Variants in UNC5D observed in about 807,000 individuals in gnomAD.
UNC5D encodes netrin receptor UNC5D.
A neutral mutation model predicts 105.4 loss-of-function variants in UNC5D; 39 were observed. The ratio of observed to expected loss-of-function variants is 0.37; its 90% CI spans 0.29 to 0.48. The LOEUF is 0.48. Ranked by LOEUF, UNC5D falls within the 20% of genes least tolerant of loss-of-function variation. The pLI is 0.98. For missense variants in UNC5D, 991 were observed against 1,202.4 expected (o/e 0.82, Z 2.60); for synonymous variants, 452 against 450.4 (o/e 1.00, Z -0.04).
intron 1 of UNC5D, among the ~76,000 whole-genome samples, chr8:35,483,654 A>G (rs1810640113): frequency 6.6e-6 from 1 of 152,182 alleles, no homozygotes; most frequent in Admixed American, 6.5e-5. Context: ...TAATGGAGCA[A>G]CCCAAGAATT....
chr8:35,535,608 G>T (rs1407780078), intron 1 of UNC5D, among the ~76,000 whole-genome samples: 1 of 151,842 alleles, frequency 6.6e-6, no homozygotes, highest in Non-Finnish European at 1.5e-5. Flanking sequence ...TGGTTACTGG[G>T]TTGTAATGTT....
intron 15 of UNC5D, among the ~76,000 whole-genome samples, chr8:35,769,322 C>T (rs1378576345): frequency 6.6e-6 from 1 of 152,172 alleles, no homozygotes. Context: ...TACTTCTGGA[C>T]CCCAGTCAAG....
intron 1 of UNC5D, among the ~76,000 whole-genome samples, chr8:35,341,319 CT>C (rs1255235021): frequency 6.6e-6 from 1 of 152,094 alleles, no homozygotes; most frequent in Non-Finnish European, 1.5e-5. Flanking sequence ...AACAGAAATT[CT>C]TCTCAAGTTC....
At chr8:35,488,151 G>A (rs1810957314) in intron 1 of UNC5D, among the ~76,000 whole-genome samples, 1 of 152,170 alleles carries the variant, frequency 6.6e-6, no homozygotes, top group African/African-American at 2.4e-5. Context: ...GCATACCAAA[G>A]GTGGTGCTGA....
chr8:35,558,759 G>A lies in UNC5D; in HGVS notation c.322+9249G>A, dbSNP rs142801151. 4.5e-3 allele frequency among the ~76,000 whole-genome samples: 685 copies of A among 152,210 alleles called. 5 individuals are homozygous for A. Among genetic ancestry groups the A allele is most frequent in the Middle Eastern group, 6.8e-3 (2 of 294 alleles). ...GCACTTTGGGAGGCCGAGGTGGGCG[G>A]GTCACTTGAGGCCTGGAGTTTCAGA... is the stretch of plus-strand genomic sequence containing the variant. On this transcript the variant is annotated intron_variant, in intron 2 of 16. Coordinates refer to ENST00000404895, the MANE Select transcript of UNC5D (RefSeq NM_080872.4).
chr8:35,351,271 A>G (rs947679169), intron 1 of UNC5D, among the ~76,000 whole-genome samples: 9 of 152,174 alleles, frequency 5.9e-5, no homozygotes, highest in African/African-American at 2.2e-4. Flanking sequence ...TCCTACCCAC[A>G]TAATCCCCTA....
chr8:35,548,368 G>A (rs1815853716), intron 1 of UNC5D, among the ~76,000 whole-genome samples: 1 of 152,176 alleles, frequency 6.6e-6, no homozygotes, highest in Admixed American at 6.5e-5. Flanking sequence ...TGGTCTTACA[G>A]TAGAATGGCC....
chr8:35,537,082 A>G (rs1346995988), intron 1 of UNC5D, among the ~76,000 whole-genome samples: 1 of 152,208 alleles, frequency 6.6e-6, no homozygotes, highest in Non-Finnish European at 1.5e-5. Context: ...AAATATATAC[A>G]TTCAAATTAT....
At chr8:35,314,725 G>A (rs1374867713) in intron 1 of UNC5D, among the ~76,000 whole-genome samples, 1 of 152,148 alleles carries the variant, frequency 6.6e-6, no homozygotes, top group African/African-American at 2.4e-5. Flanking sequence ...CTACAGCACT[G>A]TAATAAAGAG....
At chr8:35,704,714 T>G (rs758956045) in intron 7 of UNC5D, among the ~76,000 whole-genome samples, 1 of 152,098 alleles carries the variant, frequency 6.6e-6, no homozygotes, top group Non-Finnish European at 1.5e-5. Context: ...TGAAGGGCAG[T>G]CACCTTGGGT....
chr8:35,327,595 C>T (rs1180484806), intron 1 of UNC5D, among the ~76,000 whole-genome samples: 1 of 152,194 alleles, frequency 6.6e-6, no homozygotes, highest in Non-Finnish European at 1.5e-5. Context: ...ATTTATTTTA[C>T]AAATGTCCCC....
chr8:35,363,311 C>T (rs889637203), intron 1 of UNC5D, among the ~76,000 whole-genome samples: 35 of 152,050 alleles, frequency 2.3e-4, no homozygotes, highest in African/African-American at 6.5e-4. Flanking sequence ...ATGAAGAGGA[C>T]GAAAAAGTGG....
chr8:35,603,469 G>A (rs1820038261), intron 4 of UNC5D, among the ~76,000 whole-genome samples: 1 of 152,060 alleles, frequency 6.6e-6, no homozygotes, highest in Non-Finnish European at 1.5e-5. Flanking sequence ...CCAACTATGT[G>A]GTCAATTTTG....
rs200599461 is a variant in UNC5D at position 35,282,710 on chromosome 8, CA to C, written c.103+46836del. ...GCTTAACTAACAAGTTATTAAAAGACAAAAAAAAAAAAAGCAACCCAAAGCA... is the reference window on the plus strand; with the variant it reads ...GCTTAACTAACAAGTTATTAAAAGACAAAAAAAAAAAAGCAACCCAAAGCA... On this transcript the variant is annotated intron_variant, in intron 1 of 16. Transcript: ENST00000404895. 1.2e-3 allele frequency among the ~76,000 whole-genome samples: 161 copies of C among 135,914 alleles called. 2 individuals carry two copies. Among genetic ancestry groups the C allele is most frequent in the African/African-American group, 3.5e-3 (127 of 36,676 alleles). 89.2% of individuals were successfully genotyped at this position (135,914 alleles called of 152,430 possible).
intron 4 of UNC5D, among the ~76,000 whole-genome samples, chr8:35,598,799 G>A (rs912131520): frequency 3.3e-5 from 5 of 152,128 alleles, no homozygotes; most frequent in African/African-American, 1.2e-4. Context: ...CAATAAGCCA[G>A]ATACAGTAAG....
intron 1 of UNC5D, among the ~76,000 whole-genome samples, chr8:35,275,149 A>T (rs2128841061): frequency 6.6e-6 from 1 of 151,088 alleles, no homozygotes; most frequent in South Asian, 2.1e-4. Flanking sequence ...TATATTTATG[A>T]AAACATAATG....
At chr8:35,498,394 C>T (rs1321563026) in intron 1 of UNC5D, among the ~76,000 whole-genome samples, 2 of 151,968 alleles carry the variant, frequency 1.3e-5, no homozygotes, top group Non-Finnish European at 2.9e-5. Context: ...CAATGTAAAT[C>T]TGAATGATGT....
intron 1 of UNC5D, among the ~76,000 whole-genome samples, chr8:35,535,583 C>T (rs1814776850): frequency 6.6e-6 from 1 of 151,928 alleles, no homozygotes; most frequent in Non-Finnish European, 1.5e-5. Flanking sequence ...TCAAGAGCAT[C>T]CAGGTCTCTA....
intron 11 of UNC5D, among the ~76,000 whole-genome samples, chr8:35,740,800 T>G (rs1230569866): frequency 6.6e-6 from 1 of 152,152 alleles, no homozygotes; most frequent in Non-Finnish European, 1.5e-5. Flanking sequence ...TGACTTTGGT[T>G]GGGTTACCGA....
Sources: allele counts gnomAD v4.1 joint callset (sites outside exome capture counted in the v4.1 genomes callset), GRCh38; gene constraint gnomAD v4.1.1; transcripts MANE v1.5; gene names NCBI Gene and HGNC (gene_info 2026-07-23, HGNC 2026-07-21).